Variants in PRORP observed in about 807,000 individuals in gnomAD.
PRORP encodes the protein mitochondrial ribonuclease P catalytic subunit.
PRORP carries 51 observed loss-of-function variants against 59.4 expected under a neutral mutation model. The observed-to-expected ratio is 0.86, with a 90% CI of 0.69 to 1.08. PRORP has a LOEUF of 1.08. Ranked by LOEUF, PRORP falls within the 50% of genes least tolerant of loss-of-function variation. The pLI, the probability that PRORP is intolerant of heterozygous loss-of-function variation, is 0.00. For missense variants in PRORP, 646 were observed against 690.3 expected (o/e 0.94, Z 0.72); for synonymous variants, 231 against 245.6 (o/e 0.94, Z 0.55).
In PRORP at chr14:35,127,543, T is replaced by C. The variant is rs1389699096; in HGVS notation, c.1099T>C (p.Cys367Arg). The part of the protein sequence containing the change: ...SIQLSPEEYE[C>R]LKGKIMRDVI... ...TCAGCTGAGTCCAGAAGAATATGAA[T>C]GTCTTAAGGGAAAAATCATGAGGGA... Residue 367 changes from cysteine (C) to arginine (R), a missense_variant, in exon 4 of 8, where the codon TGT becomes CGT. By Grantham distance (180) the Cys-to-Arg change is radical. Transcript: ENST00000534898. 2.5e-6 allele frequency: 4 copies of C among 1,613,636 alleles called. No homozygotes were observed. In the African/African-American group the frequency reaches 4.0e-5, roughly 16 times the overall value.
At chr14:35,136,326 C>T (rs553246291) in intron 4 of PRORP, among the ~76,000 whole-genome samples, 58 of 152,124 alleles carry the variant, frequency 3.8e-4, no homozygotes, top group African/African-American at 1.3e-3. Flanking sequence ...CTACCAAGAA[C>T]AGGTATGAGG....
intron 4 of PRORP, among the ~76,000 whole-genome samples, chr14:35,131,532 GT>G (rs34299957): frequency 0.74 from 96,306 of 130,334 alleles, 34,969 homozygotes; most frequent in Non-Finnish European, 0.8. Flanking sequence ...TTGCTTTTTG[GT>G]TTTTTTTTTT....
At chr14:35,228,976 C>G (rs1416926546) in intron 5 of PRORP, among the ~76,000 whole-genome samples, 2 of 152,086 alleles carry the variant, frequency 1.3e-5, no homozygotes, top group African/African-American at 2.4e-5. Flanking sequence ...TACTTTTTAA[C>G]AATATCCATT....
At chr14:35,249,785 A>G (rs2050569015) in intron 5 of PRORP, among the ~76,000 whole-genome samples, 1 of 152,200 alleles carries the variant, frequency 6.6e-6, no homozygotes, top group African/African-American at 2.4e-5. Context: ...ATCTCAGCTT[A>G]TGAATAACTA....
At chr14:35,180,816 A>G (rs768432165) in intron 5 of PRORP, 39 bp downstream of exon 5, 2 of 1,321,172 alleles carry the variant, frequency 1.5e-6, no homozygotes, top group Non-Finnish European at 2.2e-6. Context: ...ACATCTCTAG[A>G]AATATTTATT....
intron 5 of PRORP, chr14:35,235,204 CT>C: frequency 1.4e-6 from 1 of 702,558 alleles, no homozygotes; most frequent in Non-Finnish European, 2.6e-6. Context: ...GTTCTTTAGC[CT>C]TTGCCTTTTC....
chr14:35,132,694 G>A (rs547937300), intron 4 of PRORP, among the ~76,000 whole-genome samples: 8 of 151,524 alleles, frequency 5.3e-5, no homozygotes, highest in Admixed American at 3.3e-4. Flanking sequence ...GGCTGAAGCA[G>A]GGGAATCATT....
chr14:35,202,597 T>G lies in PRORP; in HGVS notation c.1275+21820T>G, dbSNP rs534923721. Among the ~76,000 whole-genome samples, 6 of 152,292 alleles carry G rather than the reference T, an allele frequency of 3.9e-5. No individual in the cohort carries two copies. The South Asian group carries it at 1.0e-3, about 26-fold the overall frequency. On this transcript the variant is annotated intron_variant, in intron 5 of 7. Coordinates refer to ENST00000534898, the MANE Select transcript of PRORP (RefSeq NM_014672.4). ...GCTCTCCTATTACTGTCTCATGCGATCAAAAGGTGGTTTTTTGTTTAGTTG... is the reference window on the plus strand; with the variant it reads ...GCTCTCCTATTACTGTCTCATGCGAGCAAAAGGTGGTTTTTTGTTTAGTTG...
intron 4 of PRORP, among the ~76,000 whole-genome samples, chr14:35,132,224 G>C (rs1595164665): frequency 6.6e-6 from 1 of 151,596 alleles, no homozygotes; most frequent in East Asian, 2.0e-4. Context: ...TTGGGAGGCT[G>C]AGGTGGGTGG....
At chr14:35,267,729 C>T (rs753998050) in intron 6 of PRORP, among the ~76,000 whole-genome samples, 9 of 151,688 alleles carry the variant, frequency 5.9e-5, no homozygotes, top group Non-Finnish European at 1.2e-4. Context: ...TGCAGTGAGC[C>T]GAGATCGCGC....
chr14:35,195,541 T>G (rs1425024250), intron 5 of PRORP, among the ~76,000 whole-genome samples: 3 of 152,180 alleles, frequency 2.0e-5, no homozygotes, highest in Non-Finnish European at 4.4e-5. Context: ...TATAGTTATG[T>G]ATTTTTACAA....
At chr14:35,146,134 T>A (rs2047605535) in intron 4 of PRORP, among the ~76,000 whole-genome samples, 1 of 152,060 alleles carries the variant, frequency 6.6e-6, no homozygotes. Flanking sequence ...CTCAGCCCCA[T>A]TTTGAACTTT....
intron 5 of PRORP, among the ~76,000 whole-genome samples, chr14:35,205,269 C>T (rs2049262244): frequency 6.6e-6 from 1 of 152,176 alleles, no homozygotes; most frequent in South Asian, 2.1e-4. Flanking sequence ...GCAACCTCCA[C>T]CTCCCTGGTT....
intron 4 of PRORP, among the ~76,000 whole-genome samples, chr14:35,171,087 G>A (rs2048304040): frequency 6.6e-6 from 1 of 152,100 alleles, no homozygotes; most frequent in Admixed American, 6.5e-5. Flanking sequence ...GACCTCAGGT[G>A]ATCCACCCAC....
chr14:35,127,463 A>G lies in PRORP; in HGVS notation c.1035-16A>G, dbSNP rs965870754. On this transcript the variant is annotated splice_polypyrimidine_tract_variant and intron_variant, in intron 3 of 7. Coordinates refer to ENST00000534898, the MANE Select transcript of PRORP (RefSeq NM_014672.4). ...CGACATATTTAAATATTATTATTTAACAATTATAATTACAGTGGCCAGTGT... is the reference window on the plus strand; with the variant it reads ...CGACATATTTAAATATTATTATTTAGCAATTATAATTACAGTGGCCAGTGT... 2.4e-5 allele frequency: 36 copies of G among 1,500,610 alleles called. No individual in the cohort carries two copies. Among genetic ancestry groups the G allele is most frequent in the Non-Finnish European group, 3.0e-5 (34 of 1,125,860 alleles). The allele number at this position is 1,500,610 out of a possible 1,614,324, so 93.0% of individuals were successfully genotyped here.
Position 35,180,690 on chromosome 14 carries a change from C to T in PRORP, c.1188C>T (p.Asn396=). The part of the protein sequence containing the change: ...TTPQELKRFE[N]FIKSRPPFDV... ...ATTAGGAACTTAAGAGATTTGAGAA[C>T]TTCATAAAATCTCGTCCTCCTTTTG... Residue 396 remains asparagine (N), a synonymous_variant, in exon 5 of 8, where the codon AAC becomes AAT. Coordinates refer to ENST00000534898, the MANE Select transcript of PRORP (RefSeq NM_014672.4). 1 of 1,610,466 alleles carries T rather than the reference C, an allele frequency of 6.2e-7. No homozygotes were observed.
Position 35,179,835 on chromosome 14 carries a change from C to G in PRORP, c.1168-835C>G, listed in dbSNP as rs573746067. 5.6e-4 allele frequency among the ~76,000 whole-genome samples: 85 copies of G among 152,334 alleles called. 2 individuals are homozygous for G. Among genetic ancestry groups the G allele is most frequent in the Admixed American group, 3.5e-3 (54 of 15,298 alleles). The stretch of plus-strand genomic sequence containing the variant: ...CTGATTTTTAGAATTTTCAGCTTCT[C>G]TGCTCTGTTTTTTCCCCATCTTTAT... On this transcript the variant is annotated intron_variant, in intron 4 of 7. Coordinates refer to ENST00000534898, the MANE Select transcript of PRORP (RefSeq NM_014672.4).
At chr14:35,160,235 A>T (rs1428398501) in intron 4 of PRORP, among the ~76,000 whole-genome samples, 1 of 152,224 alleles carries the variant, frequency 6.6e-6, no homozygotes, top group African/African-American at 2.4e-5. Context: ...CTACCTGAGT[A>T]TTCCTGCCTG....
At chr14:35,272,996 A>G (rs1215479214) in intron 7 of PRORP, among the ~76,000 whole-genome samples, 1 of 152,238 alleles carries the variant, frequency 6.6e-6, no homozygotes, top group Admixed American at 6.5e-5. Context: ...AAGAAGAAAA[A>G]AAGTCTGTAC....
Sources: gnomAD v4.1 joint callset for allele counts (sites outside exome capture counted in the v4.1 genomes callset) on GRCh38, gnomAD v4.1.1 for gene constraint, MANE v1.5 for transcripts, NCBI Gene and HGNC (gene_info 2026-07-23, HGNC 2026-07-21) for gene names.